TEX48: variants seen among roughly 807,000 people sequenced by gnomAD.
The protein encoded by TEX48 is testis expressed 48.
A neutral mutation model predicts 13.2 loss-of-function variants in TEX48; 10 were observed. That is an observed-to-expected ratio of 0.75 (90% CI 0.47 to 1.28). The LOEUF (loss-of-function observed/expected upper bound fraction) is 1.28, where lower values mean the gene tolerates loss of function less well. Among genes scored for constraint, TEX48 ranks in the 50% most tolerant of loss-of-function variants. The pLI is 0.00. For missense variants in TEX48, 116 were observed against 139.4 expected (o/e 0.83, Z 0.84); for synonymous variants, 45 against 52.3 (o/e 0.86, Z 0.60).
rs1486426224 is a variant in TEX48, at chr9:114,666,589, G to A, written c.*54C>T. On this transcript the variant is annotated 3_prime_UTR_variant, in exon 5 of 5. Transcript: ENST00000436752. ...TTAGTCTTCATGACTCCTGTCCACC[G>A]CCCTCTTCCTCATGGAGATGCCCCA... 4.2e-5 allele frequency: 43 copies of A among 1,019,832 alleles called. No individual in the cohort carries two copies. The highest frequency in any genetic ancestry group is 7.4e-5 in the South Asian group (5 of 67,164). The allele number at this position is 1,019,832 out of a possible 1,614,324, so 63.2% of individuals were successfully genotyped here.
At chr9:114,676,662 G>C (rs1204713838) in intron 1 of TEX48, among the ~76,000 whole-genome samples, 1 of 151,112 alleles carries the variant, frequency 6.6e-6, no homozygotes, top group Non-Finnish European at 1.5e-5. Flanking sequence ...TGTTGCCCAG[G>C]CTGGAGTACA....
intron 1 of TEX48, among the ~76,000 whole-genome samples, chr9:114,676,002 C>T (rs1431077730): frequency 2.6e-5 from 4 of 152,232 alleles, no homozygotes; most frequent in Non-Finnish European, 4.4e-5. Flanking sequence ...CAGCACTCCC[C>T]TGCTGGCCCA....
intron 1 of TEX48, among the ~76,000 whole-genome samples, chr9:114,675,391 A>G (rs1828042321): frequency 6.6e-6 from 1 of 152,154 alleles, no homozygotes; most frequent in Admixed American, 6.5e-5. Flanking sequence ...TGCAAAGCAT[A>G]TCTATCTTCT....
chr9:114,678,359 C>T (rs1162560106), intron 1 of TEX48, among the ~76,000 whole-genome samples: 1 of 152,142 alleles, frequency 6.6e-6, no homozygotes, highest in Non-Finnish European at 1.5e-5. Context: ...ACAACACCCA[C>T]CTAAAACTTC....
chr9:114,680,739 G>A lies in TEX48; in HGVS notation c.-105+1296C>T, dbSNP rs561385133. Among the ~76,000 whole-genome samples the A allele has an allele frequency of 1.6e-4, 25 of 152,296 alleles. 1 individual carries two copies. The South Asian group carries it at 3.7e-3, about 23-fold the overall frequency. ...AGAAGCTCCCACATTCCTAGGTGAC[G>A]ATGGATTGCCCTGTAACCACGGTAA... On this transcript the variant is annotated intron_variant, in intron 1 of 4. Coordinates refer to ENST00000436752, the MANE Select transcript of TEX48 (RefSeq NM_001199233.2).
chr9:114,674,559 TTC>T (rs1463177131), intron 1 of TEX48, among the ~76,000 whole-genome samples: 5 of 144,018 alleles, frequency 3.5e-5, no homozygotes, highest in African/African-American at 1.3e-4. Flanking sequence ...TCTCTTTTTC[TTC>T]TTTTTTTCTT....
intron 1 of TEX48, among the ~76,000 whole-genome samples, chr9:114,676,376 G>T (rs1424601272): frequency 6.6e-6 from 1 of 151,850 alleles, no homozygotes; most frequent in Non-Finnish European, 1.5e-5. Context: ...TTGCCGTATT[G>T]CCCAGGCTTA....
chr9:114,674,208 C>T (rs1383324660), intron 1 of TEX48, among the ~76,000 whole-genome samples: 5 of 152,152 alleles, frequency 3.3e-5, no homozygotes, highest in Non-Finnish European at 5.9e-5. Context: ...ACTCTGTAAT[C>T]TAATCATCCT....
chr9:114,671,675 T>A, intron 2 of TEX48, 45 bp downstream of exon 2: 1 of 1,535,566 alleles, frequency 6.5e-7, no homozygotes, highest in Non-Finnish European at 8.7e-7. Context: ...CAGCAGATCC[T>A]TCTGCCTAGG....
At chr9:114,678,380 G>C (rs1828116139) in intron 1 of TEX48, among the ~76,000 whole-genome samples, 1 of 152,276 alleles carries the variant, frequency 6.6e-6, no homozygotes, top group East Asian at 1.9e-4. Context: ...TGCACTGAAG[G>C]TAGATCAAGA....
At position 114,666,448 on chromosome 9, in the gene TEX48, G is replaced by C; in HGVS notation, c.*195C>G. On this transcript the variant is annotated 3_prime_UTR_variant, in exon 5 of 5. Coordinates refer to ENST00000436752, the MANE Select transcript of TEX48 (RefSeq NM_001199233.2). ...AGGACACATCCTCTGGTGCAATCAA[G>C]AACTTTAATTGGAGGCAGCTCTTCC... is the stretch of plus-strand genomic sequence containing the variant. 2 of 497,594 alleles carry C rather than the reference G, an allele frequency of 4.0e-6. No homozygotes were observed. Among genetic ancestry groups the C allele is most frequent in the Non-Finnish European group, 3.5e-6 (1 of 285,012 alleles). 30.8% of individuals were successfully genotyped at this position (497,594 alleles called of 1,614,324 possible).
At chr9:114,675,807 A>C (rs1466075706) in intron 1 of TEX48, among the ~76,000 whole-genome samples, 1 of 152,192 alleles carries the variant, frequency 6.6e-6, no homozygotes, top group Non-Finnish European at 1.5e-5. Context: ...ACCGCCCTAC[A>C]GCCATAAGAG....
intron 1 of TEX48, among the ~76,000 whole-genome samples, chr9:114,680,182 C>T (rs1171819922): frequency 4.0e-5 from 5 of 126,536 alleles, no homozygotes; most frequent in African/African-American, 1.6e-4. Flanking sequence ...GGTTGGAGTG[C>T]AATGGTGCGA....
chr9:114,671,022 AT>A (rs1827935665), intron 3 of TEX48, among the ~76,000 whole-genome samples: 1 of 152,138 alleles, frequency 6.6e-6, no homozygotes, highest in Non-Finnish European at 1.5e-5. Flanking sequence ...CTTAACCACT[AT>A]TTTTATAGTC....
chr9:114,668,079 T>C, intron 4 of TEX48, 127 bp downstream of exon 4: 1 of 1,216,546 alleles, frequency 8.2e-7, no homozygotes, highest in Non-Finnish European at 1.1e-6. Flanking sequence ...TGACTGGGGC[T>C]GCTTGATGGG....
Position 114,674,660 on chromosome 9 carries a change from TCC to T in TEX48, c.-104-2835_-104-2834del, listed in dbSNP as rs1397052839. 1.2e-3 allele frequency among the ~76,000 whole-genome samples: 79 copies of T among 68,648 alleles called. 2 individuals carry two copies. The highest frequency in any genetic ancestry group is 5.9e-3 in the African/African-American group (79 of 13,344). The allele number at this position is 68,648 out of a possible 152,430, so 45.0% of individuals were successfully genotyped here. A position where few individuals can be genotyped will look rare whatever the true frequency, so the allele number is the denominator to read the frequency against. ...TTCCTTCCTTCCTTCCTTCCTTCCT[TCC>T]TTCCTTCTTTCCTTCTCTCTTGCTC... On this transcript the variant is annotated intron_variant, in intron 1 of 4. Transcript: ENST00000436752.
intron 1 of TEX48, among the ~76,000 whole-genome samples, chr9:114,676,563 G>A (rs1386720233): frequency 1.3e-5 from 2 of 151,582 alleles, no homozygotes; most frequent in Non-Finnish European, 2.9e-5. Flanking sequence ...AGATATAGCA[G>A]TGAACAAGAC....
At chr9:114,671,560 C>A in intron 2 of TEX48, 55 bp from the exon 3 acceptor site, 1 of 1,532,502 alleles carries the variant, frequency 6.5e-7, no homozygotes, top group South Asian at 1.2e-5. Flanking sequence ...ATTCCAGATG[C>A]CTATTGGAAA....
rs58224854 is a variant in TEX48, at chr9:114,675,550, C to A, written c.-104-3723G>T. Among the ~76,000 whole-genome samples, 67 of 152,306 alleles carry A rather than the reference C, an allele frequency of 4.4e-4. No individual in the cohort carries two copies. The East Asian group carries it at 0.013, about 29-fold the overall frequency. The stretch of plus-strand genomic sequence containing the variant: ...CTTCAGTCTGTCTGCCCAGCCAATC[C>A]TTTGCCATTTCCTTCACCGTAGTGT... On this transcript the variant is annotated intron_variant, in intron 1 of 4. Transcript: ENST00000436752.
Sources: allele counts gnomAD v4.1 joint callset (sites outside exome capture counted in the v4.1 genomes callset), GRCh38; gene constraint gnomAD v4.1.1; transcripts MANE v1.5; gene names NCBI Gene and HGNC (gene_info 2026-07-23, HGNC 2026-07-21).